Variants in HMCN1 observed in about 807,000 individuals in gnomAD.
HMCN1 encodes hemicentin-1.
In HMCN1, 321 loss-of-function variants were observed where a neutral mutation model predicts 625.9. The ratio of observed to expected loss-of-function variants is 0.51; its 90% CI spans 0.47 to 0.56. The LOEUF is 0.56. HMCN1 is among the 20% of genes least tolerant of loss of function. The probability of loss-of-function intolerance (pLI) is 0.00; values close to 1 mark genes in which losing one functional copy is unlikely to be tolerated. For synonymous variants in HMCN1, 2,425 were observed against 2,417.6 expected, an observed-to-expected ratio of 1.00 and a Z score of -0.09; for missense variants, 6,588 against 6,887.3, an observed-to-expected ratio of 0.96 and a Z score of 1.54.
chr1:186,087,773 G>C, intron 60 of HMCN1, 128 bp downstream of exon 60: 1 of 1,169,552 alleles, frequency 8.6e-7, no homozygotes, highest in Non-Finnish European at 1.3e-6. Flanking sequence ...CATAGCCAAT[G>C]CCATTGACTA....
rs183858628 is a variant in HMCN1, at chr1:185,963,178, A to G, written c.1970+519A>G. Among the ~76,000 whole-genome samples, 22 of 152,252 alleles carry G rather than the reference A, an allele frequency of 1.4e-4. No individual in the cohort carries two copies. In the East Asian group the frequency reaches 4.2e-3, roughly 29 times the overall value. Reference sequence around the variant, plus strand: ...TTGAATCCACTCATGCTCCTACAGTATAATAAACACGTGGAATATAAACAA... The same window carrying G: ...TTGAATCCACTCATGCTCCTACAGTGTAATAAACACGTGGAATATAAACAA... On this transcript the variant is annotated intron_variant, in intron 12 of 106. Transcript: ENST00000271588.
chr1:186,081,097 A>T, intron 55 of HMCN1, 110 bp from the exon 56 acceptor site: 1 of 869,486 alleles, frequency 1.2e-6, no homozygotes, highest in Non-Finnish European at 2.0e-6. Flanking sequence ...TTCTCCTTCA[A>T]GTTTTGCTTC....
chr1:186,175,876 CAAAAAAA>C (rs758445916), intron 103 of HMCN1, among the ~76,000 whole-genome samples: 2 of 76,198 alleles, frequency 2.6e-5, no homozygotes, highest in African/African-American at 9.8e-5. Context: ...AACTATGTCT[CAAAAAAA>C]AAAAAAAAGA....
At chr1:186,117,219 A>G (rs1056773883) in intron 76 of HMCN1, 104 bp downstream of exon 76, 21 of 1,490,806 alleles carry the variant, frequency 1.4e-5, no homozygotes, top group Non-Finnish European at 1.8e-5. Context: ...TTAAACATTT[A>G]TTTTAAGTTC....
intron 11 of HMCN1, among the ~76,000 whole-genome samples, chr1:185,935,188 G>T (rs574907898): frequency 6.6e-6 from 1 of 151,868 alleles, no homozygotes; most frequent in Non-Finnish European, 1.5e-5. Context: ...GAATGAGATT[G>T]TAAAATAAAA....
At chr1:185,790,944 C>T (rs932734361) in intron 1 of HMCN1, among the ~76,000 whole-genome samples, 1 of 152,068 alleles carries the variant, frequency 6.6e-6, no homozygotes, top group Non-Finnish European at 1.5e-5. Flanking sequence ...TTCCATTACC[C>T]ATGTCACAAA....
intron 36 of HMCN1, among the ~76,000 whole-genome samples, chr1:186,032,121 C>T (rs1312295866): frequency 6.6e-6 from 1 of 151,558 alleles, no homozygotes; most frequent in African/African-American, 2.4e-5. Context: ...GCAGAGTTAA[C>T]AGACAACCCA....
intron 1 of HMCN1, among the ~76,000 whole-genome samples, chr1:185,780,970 C>T (rs1242332290): frequency 1.3e-5 from 2 of 151,888 alleles, no homozygotes; most frequent in Admixed American, 6.6e-5. Context: ...TGTGAATCCA[C>T]CTGGTCCTGG....
intron 11 of HMCN1, among the ~76,000 whole-genome samples, chr1:185,959,744 A>G (rs1327280319): frequency 1.3e-5 from 2 of 152,084 alleles, no homozygotes; most frequent in African/African-American, 2.4e-5. Flanking sequence ...CCTAAAATTG[A>G]ACTCCGGACT....
At chr1:185,936,636 AG>A (rs1667825988) in intron 11 of HMCN1, among the ~76,000 whole-genome samples, 2 of 152,372 alleles carry the variant, frequency 1.3e-5, no homozygotes, top group South Asian at 4.1e-4. Flanking sequence ...GAAAATGAAC[AG>A]GCAACCTGGT....
At chr1:185,826,706 A>T (rs139808488) in intron 1 of HMCN1, among the ~76,000 whole-genome samples, 44 of 152,310 alleles carry the variant, frequency 2.9e-4, no homozygotes, top group African/African-American at 1.0e-3. Flanking sequence ...TTACATTAAG[A>T]AAACCATCTC....
At chr1:186,153,722 A>T (rs1245733653) in intron 96 of HMCN1, 28 bp from the exon 97 acceptor site, 1 of 1,587,898 alleles carries the variant, frequency 6.3e-7, no homozygotes, top group African/African-American at 1.3e-5. Context: ...AGCCATATTG[A>T]TCTTCAAATC....
intron 73 of HMCN1, 27 bp downstream of exon 73, chr1:186,114,150 G>T: frequency 6.2e-7 from 1 of 1,612,900 alleles, no homozygotes; most frequent in Non-Finnish European, 8.5e-7. Flanking sequence ...ATTAAAAAAT[G>T]CTATAAGACC....
At chr1:186,151,972 CCTCTT>C (rs1215338908) in intron 95 of HMCN1, among the ~76,000 whole-genome samples, 4 of 152,128 alleles carry the variant, frequency 2.6e-5, no homozygotes, top group East Asian at 3.8e-4. Context: ...TTTCTCCTCT[CCTCTT>C]TTCTTCTTTT....
chr1:185,883,933 A>C (rs922536777), intron 4 of HMCN1, among the ~76,000 whole-genome samples: 2 of 97,502 alleles, frequency 2.1e-5, no homozygotes, highest in African/African-American at 4.1e-5. Flanking sequence ...GTGATTTTGG[A>C]TTGTAGACTA....
chr1:185,837,005 G>GGT (rs60299246), intron 1 of HMCN1, among the ~76,000 whole-genome samples: 53,549 of 142,788 alleles, frequency 0.38, 11,088 homozygotes, highest in African/African-American at 0.57. Flanking sequence ...TATATTCCAT[G>GGT]GTGTGTGTGT....
At chr1:186,029,250 A>G (rs578131166) in intron 36 of HMCN1, among the ~76,000 whole-genome samples, 1 of 152,238 alleles carries the variant, frequency 6.6e-6, no homozygotes, top group South Asian at 2.1e-4. Flanking sequence ...AATTAAAATT[A>G]TGTTGAAATA....
chr1:186,045,454 C>A (rs186105688), intron 40 of HMCN1, among the ~76,000 whole-genome samples: 1 of 151,926 alleles, frequency 6.6e-6, no homozygotes, highest in Admixed American at 6.6e-5. Flanking sequence ...GAGAACTTCC[C>A]GTTCTAAAAG....
intron 40 of HMCN1, among the ~76,000 whole-genome samples, chr1:186,041,818 TAATTA>T (rs1485731876): frequency 1.3e-5 from 2 of 152,196 alleles, no homozygotes; most frequent in African/African-American, 4.8e-5. Flanking sequence ...GTTCTTGGAA[TAATTA>T]AATTATTTCT....
Sources: allele counts gnomAD v4.1 joint callset (sites outside exome capture counted in the v4.1 genomes callset), GRCh38; gene constraint gnomAD v4.1.1; transcripts MANE v1.5; gene names NCBI Gene and HGNC (gene_info 2026-07-23, HGNC 2026-07-21).